ATXN1: variants seen among roughly 807,000 people sequenced by gnomAD.
The protein encoded by ATXN1 is ataxin-1.
A neutral mutation model predicts 56.4 loss-of-function variants in ATXN1; 8 were observed. The observed-to-expected ratio is 0.14, with a 90% CI of 0.08 to 0.26. The LOEUF is 0.26. Among genes scored for constraint, ATXN1 ranks in the 10% least tolerant of loss-of-function variants. The pLI is 1.00. For synonymous variants in ATXN1, 514 were observed against 494.6 expected, an observed-to-expected ratio of 1.04 and a Z score of -0.52; for missense variants, 987 against 1,106.5, an observed-to-expected ratio of 0.89 and a Z score of 1.53.
chr6:16,643,268 A>C (rs1359409327), intron 3 of ATXN1, among the ~76,000 whole-genome samples: 1 of 151,322 alleles, frequency 6.6e-6, no homozygotes, highest in East Asian at 1.9e-4. Context: ...AAAAAAAAAA[A>C]GACACAATAT....
chr6:16,337,634 A>ATACAGAAGCAAATACT (rs1261062086), intron 6 of ATXN1, among the ~76,000 whole-genome samples: 3 of 152,264 alleles, frequency 2.0e-5, no homozygotes, highest in Non-Finnish European at 4.4e-5. Context: ...TCCTGATTCA[A>ATACAGAAGCAAATACT]TACAGAAGCA....
chr6:16,562,349 G>A (rs1373199238), intron 4 of ATXN1, among the ~76,000 whole-genome samples: 4 of 149,132 alleles, frequency 2.7e-5, no homozygotes, highest in African/African-American at 7.4e-5. Flanking sequence ...CTCCAGCCTG[G>A]GCAACAGAGC....
intron 3 of ATXN1, among the ~76,000 whole-genome samples, chr6:16,619,858 C>G (rs1486719889): frequency 7.3e-6 from 1 of 137,410 alleles, no homozygotes; most frequent in Admixed American, 7.7e-5. Context: ...GCCTGAGCAA[C>G]ATAATGAGAC....
intron 2 of ATXN1, among the ~76,000 whole-genome samples, chr6:16,697,858 T>C (rs1390705426): frequency 1.3e-5 from 2 of 152,180 alleles, no homozygotes; most frequent in Admixed American, 1.3e-4. Flanking sequence ...CAATGGGACA[T>C]GGATACTGTT....
chr6:16,464,582 C>T (rs1760064484), intron 6 of ATXN1, among the ~76,000 whole-genome samples: 1 of 152,114 alleles, frequency 6.6e-6, no homozygotes, highest in African/African-American at 2.4e-5. Context: ...TTCTTGAAGT[C>T]AGCGAGACCA....
intron 6 of ATXN1, among the ~76,000 whole-genome samples, chr6:16,381,643 T>A (rs1409257868): frequency 6.6e-6 from 1 of 152,256 alleles, no homozygotes; most frequent in Non-Finnish European, 1.5e-5. Flanking sequence ...ATTCACTTCC[T>A]CTTCACATAT....
chr6:16,627,599 C>T (rs1474968993), intron 3 of ATXN1, among the ~76,000 whole-genome samples: 1 of 152,142 alleles, frequency 6.6e-6, no homozygotes, highest in East Asian at 1.9e-4. Context: ...TGGTGGCTCA[C>T]GCCTGTCATA....
chr6:16,732,272 T>C (rs1287050766), intron 2 of ATXN1, among the ~76,000 whole-genome samples: 1 of 152,034 alleles, frequency 6.6e-6, no homozygotes, highest in East Asian at 1.9e-4. Context: ...ATCATGACCA[T>C]TGGAAAATAT....
At chr6:16,435,940 C>T (rs1759379051) in intron 6 of ATXN1, among the ~76,000 whole-genome samples, 1 of 152,052 alleles carries the variant, frequency 6.6e-6, no homozygotes, top group African/African-American at 2.4e-5. Context: ...CTCTGTCACC[C>T]AGGCTGGAGT....
intron 4 of ATXN1, among the ~76,000 whole-genome samples, chr6:16,583,450 C>T (rs1193528257): frequency 2.0e-5 from 3 of 152,284 alleles, no homozygotes; most frequent in South Asian, 2.1e-4. Context: ...ATAAAGCATG[C>T]GTTTCCTAAG....
chr6:16,697,041 G>A (rs1039513830), intron 2 of ATXN1, among the ~76,000 whole-genome samples: 2 of 152,202 alleles, frequency 1.3e-5, no homozygotes. Context: ...GTCACAATGA[G>A]TAGCACCAAC....
intron 2 of ATXN1, among the ~76,000 whole-genome samples, chr6:16,659,178 G>C (rs190271103): frequency 6.6e-6 from 1 of 152,276 alleles, no homozygotes; most frequent in East Asian, 1.9e-4. Flanking sequence ...CTAGCCGGAG[G>C]AACAACTGCC....
intron 6 of ATXN1, among the ~76,000 whole-genome samples, chr6:16,435,358 C>G (rs1255665134): frequency 3.9e-5 from 6 of 152,000 alleles, no homozygotes; most frequent in Admixed American, 2.0e-4. Context: ...TAGCAGAACA[C>G]TTAAGTGGAG....
chr6:16,560,098 G>C (rs1002060586), intron 4 of ATXN1, among the ~76,000 whole-genome samples: 1 of 152,144 alleles, frequency 6.6e-6, no homozygotes. Flanking sequence ...GGTTTGTTTA[G>C]ATTTATCCTC....
intron 4 of ATXN1, among the ~76,000 whole-genome samples, chr6:16,561,969 G>C (rs1188428613): frequency 6.6e-6 from 1 of 152,142 alleles, no homozygotes; most frequent in Admixed American, 6.6e-5. Flanking sequence ...CACTTAGGCA[G>C]AATCTACTTT....
chr6:16,636,023 C>T (rs972426326), intron 3 of ATXN1, among the ~76,000 whole-genome samples: 3 of 152,300 alleles, frequency 2.0e-5, no homozygotes, highest in Admixed American at 6.5e-5. Flanking sequence ...GTCACTCGCC[C>T]GTGGAGATCA....
At chr6:16,598,419 C>A in intron 3 of ATXN1, among the ~76,000 whole-genome samples, 1 of 152,176 alleles carries the variant, frequency 6.6e-6, no homozygotes, top group African/African-American at 2.4e-5. Context: ...TATGCATATG[C>A]ATATTTTAAA....
At chr6:16,584,987 C>G (rs904609791) in intron 4 of ATXN1, among the ~76,000 whole-genome samples, 2 of 151,948 alleles carry the variant, frequency 1.3e-5, no homozygotes, top group Non-Finnish European at 2.9e-5. Flanking sequence ...AATCCCAACA[C>G]TTTGGGAGGC....
At chr6:16,682,516 C>T (rs1327379186) in intron 2 of ATXN1, among the ~76,000 whole-genome samples, 3 of 152,034 alleles carry the variant, frequency 2.0e-5, no homozygotes, top group Non-Finnish European at 1.5e-5. Context: ...TTTTCTGAAG[C>T]CACATAGACT....
Sources: allele counts gnomAD v4.1 joint callset (sites outside exome capture counted in the v4.1 genomes callset), GRCh38; gene constraint gnomAD v4.1.1; transcripts MANE v1.5; gene names NCBI Gene and HGNC (gene_info 2026-07-23, HGNC 2026-07-21).